Variants in CNTN5 observed in about 807,000 individuals in gnomAD.
CNTN5 encodes contactin-5.
In CNTN5, 77 loss-of-function variants were observed where a neutral mutation model predicts 129.1. The observed-to-expected ratio is 0.60, with a 90% confidence interval of 0.50 to 0.72. CNTN5 has a LOEUF of 0.72. Among genes scored for constraint, CNTN5 ranks in the 30% least tolerant of loss-of-function variants. The pLI is 0.00. For synonymous variants in CNTN5, 509 were observed against 465.6 expected (o/e 1.09, Z -1.20); for missense variants, 1,478 against 1,328.8 (o/e 1.11, Z -1.75).
intron 13 of CNTN5, among the ~76,000 whole-genome samples, chr11:100,161,968 A>T (rs1947470289): frequency 6.6e-6 from 1 of 151,732 alleles, no homozygotes. Context: ...CAAATAAGTC[A>T]TCTTCTCTAA....
At chr11:99,243,090 G>A (rs376532066) in intron 1 of CNTN5, among the ~76,000 whole-genome samples, 17 of 151,992 alleles carry the variant, frequency 1.1e-4, no homozygotes, top group East Asian at 9.6e-4. Context: ...ACTAATTTAC[G>A]TTCTCACAAC....
intron 1 of CNTN5, among the ~76,000 whole-genome samples, chr11:99,152,089 T>C (rs1480861111): frequency 3.3e-5 from 5 of 152,232 alleles, no homozygotes; most frequent in Non-Finnish European, 4.4e-5. Context: ...TCAACTTTAA[T>C]GTTCAGTTGA....
chr11:99,257,730 T>G (rs1038579639), intron 1 of CNTN5, among the ~76,000 whole-genome samples: 13 of 152,148 alleles, frequency 8.5e-5, no homozygotes, highest in Middle Eastern at 3.4e-3. Context: ...CATATTATAG[T>G]ATACATACAC....
chr11:99,498,969 T>C (rs2135376400), intron 2 of CNTN5, among the ~76,000 whole-genome samples: 1 of 152,276 alleles, frequency 6.6e-6, no homozygotes, highest in East Asian at 1.9e-4. Flanking sequence ...AGCGATGTCA[T>C]GATAAAGGCA....
intron 3 of CNTN5, among the ~76,000 whole-genome samples, chr11:99,713,430 C>G (rs368148543): frequency 6.6e-6 from 1 of 151,938 alleles, no homozygotes; most frequent in Non-Finnish European, 1.5e-5. Context: ...TACACAATCA[C>G]GTCATCTGCA....
intron 1 of CNTN5, among the ~76,000 whole-genome samples, chr11:99,090,353 C>G (rs1169975544): frequency 6.6e-6 from 1 of 152,070 alleles, no homozygotes; most frequent in Non-Finnish European, 1.5e-5. Flanking sequence ...GTAAAAGGCA[C>G]AGAAGCAGAA....
intron 2 of CNTN5, among the ~76,000 whole-genome samples, chr11:99,326,769 G>C (rs992083831): frequency 3.3e-5 from 5 of 152,100 alleles, no homozygotes; most frequent in African/African-American, 1.2e-4. Flanking sequence ...ATAAAGAAGG[G>C]AAGGGGAAGT....
At chr11:99,562,868 A>G (rs1948886641) in intron 3 of CNTN5, among the ~76,000 whole-genome samples, 1 of 152,160 alleles carries the variant, frequency 6.6e-6, no homozygotes, top group South Asian at 2.1e-4. Flanking sequence ...TGAGCTTTAG[A>G]TGTCTACAAT....
intron 1 of CNTN5, among the ~76,000 whole-genome samples, chr11:99,035,403 C>G (rs1863664269): frequency 6.6e-6 from 1 of 152,062 alleles, no homozygotes; most frequent in Admixed American, 6.5e-5. Flanking sequence ...GCGTGGGAGT[C>G]TAAGTCTCTT....
chr11:99,894,515 C>CAAAAAAAAAAAAACCAAAAAA (rs1949150319), intron 6 of CNTN5, among the ~76,000 whole-genome samples: 1 of 107,496 alleles, frequency 9.3e-6, no homozygotes, highest in African/African-American at 3.9e-5. Flanking sequence ...GTACCAGCAG[C>CAAAAAAAAAAAAACCAAAAAA]AAAAAAAAAA....
intron 1 of CNTN5, among the ~76,000 whole-genome samples, chr11:99,081,252 G>A (rs980123194): frequency 6.6e-6 from 1 of 151,966 alleles, no homozygotes; most frequent in Non-Finnish European, 1.5e-5. Context: ...CAGCCTCTTC[G>A]ATATGTTTAG....
intron 3 of CNTN5, among the ~76,000 whole-genome samples, chr11:99,788,422 A>G (rs929439331): frequency 6.6e-6 from 1 of 151,954 alleles, no homozygotes; most frequent in Non-Finnish European, 1.5e-5. Flanking sequence ...TTCGGTATAT[A>G]AATTTTTGTA....
rs576354142 is a variant in CNTN5 at position 100,083,400 on chromosome 11, C to T, written c.1580+9106C>T. On this transcript the variant is annotated intron_variant, in intron 13 of 24. Coordinates refer to ENST00000524871, the MANE Select transcript of CNTN5 (RefSeq NM_014361.4). The stretch of plus-strand genomic sequence containing the variant: ...ATTTAGTGAACTGAGCAAGAACTCA[C>T]TTATCATCAGGGGATGATGCTATAC... Among the ~76,000 whole-genome samples, 86 of 52,900 alleles carry T rather than the reference C, an allele frequency of 1.6e-3. No individual in the cohort carries two copies. In the African/African-American group the frequency reaches 0.019, roughly 12 times the overall value. 34.7% of individuals were successfully genotyped at this position (52,900 alleles called of 152,430 possible). A position where few individuals can be genotyped will look rare whatever the true frequency, so the allele number is the denominator to read the frequency against.
intron 3 of CNTN5, among the ~76,000 whole-genome samples, chr11:99,575,391 C>G (rs563831657): frequency 6.6e-6 from 1 of 152,180 alleles, no homozygotes; most frequent in East Asian, 1.9e-4. Flanking sequence ...GGAATAGGTA[C>G]CAGAGGAACT....
chr11:99,826,377 A>T (rs1034656795), intron 4 of CNTN5, among the ~76,000 whole-genome samples: 1 of 152,184 alleles, frequency 6.6e-6, no homozygotes, highest in Non-Finnish European at 1.5e-5. Context: ...GCCTTCTTTC[A>T]TCTTTGCAAG....
chr11:99,854,588 A>G (rs1405418003), intron 6 of CNTN5, among the ~76,000 whole-genome samples: 1 of 152,208 alleles, frequency 6.6e-6, no homozygotes, highest in African/African-American at 2.4e-5. Flanking sequence ...GAGCTTGATC[A>G]ATTCTATTGA....
At chr11:99,442,735 C>G (rs560434377) in intron 2 of CNTN5, among the ~76,000 whole-genome samples, 7 of 152,272 alleles carry the variant, frequency 4.6e-5, no homozygotes, top group African/African-American at 1.7e-4. Context: ...AAATCCTGCA[C>G]TTTAAACCTC....
chr11:99,821,478 T>C (rs1212810717), intron 4 of CNTN5, among the ~76,000 whole-genome samples: 2 of 152,108 alleles, frequency 1.3e-5, no homozygotes, highest in Non-Finnish European at 2.9e-5. Flanking sequence ...AAAATAGAAT[T>C]GTTATTCAGT....
At chr11:99,167,928 A>T (rs914736829) in intron 1 of CNTN5, among the ~76,000 whole-genome samples, 1 of 151,066 alleles carries the variant, frequency 6.6e-6, no homozygotes, top group African/African-American at 2.5e-5. Context: ...TTAAAAATTT[A>T]TTCTTATAAT....
Sources: gnomAD v4.1 joint callset for allele counts (sites outside exome capture counted in the v4.1 genomes callset) on GRCh38, gnomAD v4.1.1 for gene constraint, MANE v1.5 for transcripts, NCBI Gene and HGNC (gene_info 2026-07-23, HGNC 2026-07-21) for gene names.